The following PTPRT variants were observed in gnomAD, a reference collection of about 807,000 sequenced individuals.
PTPRT encodes receptor-type tyrosine-protein phosphatase T.
Under a neutral mutation model 176.8 loss-of-function variants are expected in PTPRT, and 56 were observed. That is an observed-to-expected ratio of 0.32 (90% CI 0.26 to 0.40). The LOEUF is 0.40. Ranked by LOEUF, PTPRT falls within the 10% of genes least tolerant of loss-of-function variation. The pLI is 1.00. For synonymous variants in PTPRT, 783 were observed against 739.0 expected (o/e 1.06, Z -0.96); for missense variants, 1,540 against 1,908.2 (o/e 0.81, Z 3.60).
chr20:42,685,306 C>T (rs888663737), intron 6 of PTPRT: 11 of 152,078 alleles, frequency 7.2e-5, no homozygotes, highest in South Asian at 2.1e-4. Flanking sequence ...TACCCTAGTC[C>T]GCCTTGTGAT....
At chr20:42,090,636 A>G (rs1429598449) in intron 27 of PTPRT, among the ~76,000 whole-genome samples, 1 of 152,212 alleles carries the variant, frequency 6.6e-6, no homozygotes, top group Admixed American at 6.5e-5. Flanking sequence ...AACAGAGATC[A>G]CATCTGTGAG....
At chr20:42,492,844 AG>A (rs1217303028) in intron 7 of PTPRT, among the ~76,000 whole-genome samples, 2 of 152,224 alleles carry the variant, frequency 1.3e-5, no homozygotes, top group Non-Finnish European at 2.9e-5. Flanking sequence ...TGTGCTCAAA[AG>A]AATGACTTTC....
chr20:42,892,840 T>C (rs2079218997), intron 1 of PTPRT, among the ~76,000 whole-genome samples: 2 of 152,346 alleles, frequency 1.3e-5, no homozygotes, highest in African/African-American at 4.8e-5. Flanking sequence ...CCTCAGAGTC[T>C]GTCCCATAGT....
At chr20:42,420,543 T>C (rs2059109124) in intron 9 of PTPRT, among the ~76,000 whole-genome samples, 1 of 152,180 alleles carries the variant, frequency 6.6e-6, no homozygotes, top group Non-Finnish European at 1.5e-5. Context: ...CTGTTGATGT[T>C]GTGTTATGTT....
chr20:43,129,985 G>C (rs992704096), intron 1 of PTPRT, among the ~76,000 whole-genome samples: 1 of 152,194 alleles, frequency 6.6e-6, no homozygotes, highest in Admixed American at 6.5e-5. Context: ...TAGAACTAAA[G>C]AGGCAGGAGA....
intron 1 of PTPRT, among the ~76,000 whole-genome samples, chr20:42,968,087 C>T (rs116021830): frequency 0.013 from 2,047 of 152,264 alleles, 49 homozygotes; most frequent in African/African-American, 0.046. Flanking sequence ...CTGTCACAGG[C>T]TATTCCTTTT....
intron 13 of PTPRT, among the ~76,000 whole-genome samples, chr20:42,251,348 A>C (rs1190304963): frequency 6.6e-6 from 1 of 152,194 alleles, no homozygotes; most frequent in African/African-American, 2.4e-5. Context: ...TCCTTCAGTA[A>C]GTGATCATAA....
intron 12 of PTPRT, among the ~76,000 whole-genome samples, chr20:42,288,976 A>T (rs888559069): frequency 3.3e-5 from 5 of 151,950 alleles, no homozygotes; most frequent in African/African-American, 1.2e-4. Context: ...AAAGCCACAC[A>T]CCTACAACCA....
intron 7 of PTPRT, among the ~76,000 whole-genome samples, chr20:42,620,426 C>G (rs1372229180): frequency 6.7e-6 from 1 of 149,782 alleles, no homozygotes; most frequent in East Asian, 1.9e-4. Context: ...GAGGTGGAGC[C>G]TACAGAGGCA....
At position 42,577,969 on chromosome 20, in the gene PTPRT, G is replaced by GTGTGTGTA. The variant is rs564005742; in HGVS notation, c.1153+99896_1153+99897insTACACACA. On this transcript the variant is annotated intron_variant, in intron 7 of 30. Coordinates refer to ENST00000373187, the MANE Select transcript of PTPRT (RefSeq NM_007050.6). Reference sequence around the variant, plus strand: ...TGTGTGTGTGTGTGTGTGTGTGTGTGTAGGCATACCCACATGTGTGTGAAT... The same window carrying GTGTGTGTA: ...TGTGTGTGTGTGTGTGTGTGTGTGTGTGTGTGTATAGGCATACCCACATGTGTGTGAAT... 6.4e-3 allele frequency among the ~76,000 whole-genome samples: 900 copies of GTGTGTGTA among 140,406 alleles called. 44 individuals are homozygous for GTGTGTGTA. The highest frequency in any genetic ancestry group is 0.013 in the African/African-American group (475 of 35,830). The allele number at this position is 140,406 out of a possible 152,430, so 92.1% of individuals were successfully genotyped here. A position where few individuals can be genotyped will look rare whatever the true frequency, so the allele number is the denominator to read the frequency against.
At chr20:42,122,041 G>A (rs1181964598) in intron 19 of PTPRT, among the ~76,000 whole-genome samples, 1 of 152,154 alleles carries the variant, frequency 6.6e-6, no homozygotes, top group Admixed American at 6.5e-5. Flanking sequence ...AGGGTGGTGA[G>A]AGGGATGAGA....
intron 13 of PTPRT, among the ~76,000 whole-genome samples, chr20:42,266,110 A>G (rs1244597498): frequency 1.3e-5 from 2 of 152,170 alleles, no homozygotes; most frequent in African/African-American, 4.8e-5. Context: ...GACCCTCACC[A>G]TGATTAGGCC....
At chr20:42,734,278 T>A (rs2076505136) in intron 6 of PTPRT, among the ~76,000 whole-genome samples, 1 of 152,096 alleles carries the variant, frequency 6.6e-6, no homozygotes, top group Non-Finnish European at 1.5e-5. Context: ...ACCCTGCAGG[T>A]GTAGCCTTCC....
chr20:42,181,391 G>T (rs932152057), intron 16 of PTPRT, among the ~76,000 whole-genome samples: 1 of 152,110 alleles, frequency 6.6e-6, no homozygotes, highest in African/African-American at 2.4e-5. Context: ...GCCAGTATTT[G>T]GTGATGGGGC....
At chr20:42,137,793 G>T (rs6016692) in intron 18 of PTPRT, among the ~76,000 whole-genome samples, 22,503 of 152,150 alleles carry the variant, frequency 0.15, 2,229 homozygotes, top group East Asian at 0.48. Context: ...ACCTGAAGGT[G>T]GGTGAGGTGA....
At chr20:42,099,548 G>T (rs867978482) in intron 26 of PTPRT, among the ~76,000 whole-genome samples, 4 of 47,688 alleles carry the variant, frequency 8.4e-5, no homozygotes, top group African/African-American at 1.3e-4. Flanking sequence ...GGCCTGGGCG[G>T]GGGGGGGGGG....
At chr20:42,126,296 T>G (rs1275625641) in intron 19 of PTPRT, among the ~76,000 whole-genome samples, 1 of 152,206 alleles carries the variant, frequency 6.6e-6, no homozygotes. Context: ...TTGCTCACTG[T>G]GATTATTAAA....
chr20:42,956,417 C>A (rs1981640576), intron 1 of PTPRT, among the ~76,000 whole-genome samples: 1 of 128,226 alleles, frequency 7.8e-6, no homozygotes. Flanking sequence ...CTTGCTCCTA[C>A]TCTAGCCGTG....
chr20:42,950,019 A>T (rs1981137963), intron 1 of PTPRT, among the ~76,000 whole-genome samples: 1 of 152,222 alleles, frequency 6.6e-6, no homozygotes, highest in Non-Finnish European at 1.5e-5. Flanking sequence ...ATGTTCTGTG[A>T]GTCCTAGAAC....
Sources: gnomAD v4.1 joint callset for allele counts (sites outside exome capture counted in the v4.1 genomes callset) on GRCh38, gnomAD v4.1.1 for gene constraint, MANE v1.5 for transcripts, NCBI Gene and HGNC (gene_info 2026-07-23, HGNC 2026-07-21) for gene names.